The following WDFY2 variants were observed in gnomAD, a reference collection of about 807,000 sequenced individuals.
WDFY2 encodes WD repeat and FYVE domain-containing protein 2.
In WDFY2, 36 loss-of-function variants were observed where a neutral mutation model predicts 56.4. The observed-to-expected ratio is 0.64, with a 90% confidence interval of 0.49 to 0.84. WDFY2 has a LOEUF of 0.84. Among genes scored for constraint, WDFY2 ranks in the 40% least tolerant of loss-of-function variants. The pLI is 0.00. For missense variants in WDFY2, 444 were observed against 512.2 expected, an observed-to-expected ratio of 0.87 and a Z score of 1.29; for synonymous variants, 176 against 183.7, an observed-to-expected ratio of 0.96 and a Z score of 0.34.
chr13:51,658,641 A>G (rs929711385), intron 1 of WDFY2, among the ~76,000 whole-genome samples: 1 of 152,224 alleles, frequency 6.6e-6, no homozygotes, highest in Non-Finnish European at 1.5e-5. Context: ...AATAATCTCA[A>G]TAAAACAATT....
intron 7 of WDFY2, among the ~76,000 whole-genome samples, chr13:51,749,981 A>C (rs1953192049): frequency 6.6e-6 from 1 of 152,176 alleles, no homozygotes; most frequent in African/African-American, 2.4e-5. Context: ...ATCCTGAATA[A>C]ATTTAGGAGA....
intron 1 of WDFY2, among the ~76,000 whole-genome samples, chr13:51,648,183 C>T (rs1955296789): frequency 1.3e-5 from 2 of 152,082 alleles, no homozygotes; most frequent in African/African-American, 4.8e-5. Context: ...ATTCCCTGCC[C>T]GTCAGTATTT....
chr13:51,619,777 A>T (rs942878204), intron 1 of WDFY2, among the ~76,000 whole-genome samples: 16 of 152,354 alleles, frequency 1.1e-4, no homozygotes, highest in African/African-American at 3.6e-4. Flanking sequence ...ACATTTATGG[A>T]CAGAAAAAGG....
intron 1 of WDFY2, among the ~76,000 whole-genome samples, chr13:51,645,599 A>C (rs1955248760): frequency 6.6e-6 from 1 of 152,188 alleles, no homozygotes; most frequent in African/African-American, 2.4e-5. Flanking sequence ...TCCACTGTGA[A>C]TATAGTTCAG....
At chr13:51,655,107 A>C (rs559903494) in intron 1 of WDFY2, among the ~76,000 whole-genome samples, 18 of 152,104 alleles carry the variant, frequency 1.2e-4, no homozygotes, top group East Asian at 1.9e-4. Context: ...TCTTGAGTGG[A>C]TTATTTAGGA....
chr13:51,602,374 T>A (rs1423637107), intron 1 of WDFY2, among the ~76,000 whole-genome samples: 2 of 152,224 alleles, frequency 1.3e-5, no homozygotes, highest in Non-Finnish European at 2.9e-5. Context: ...TGTACAGGTT[T>A]GTAGCCTAAA....
chr13:51,691,164 G>A (rs1045782218), intron 3 of WDFY2, among the ~76,000 whole-genome samples: 9 of 152,020 alleles, frequency 5.9e-5, no homozygotes, highest in African/African-American at 1.2e-4. Context: ...CACTCTGATG[G>A]TAGTTTCTTT....
At chr13:51,743,354 C>T (rs755101599) in intron 7 of WDFY2, among the ~76,000 whole-genome samples, 2 of 152,080 alleles carry the variant, frequency 1.3e-5, no homozygotes, top group Non-Finnish European at 2.9e-5. Context: ...CAGCCTCAGG[C>T]GAGGCACTGC....
intron 1 of WDFY2, among the ~76,000 whole-genome samples, chr13:51,655,778 C>T (rs745577622): frequency 1.3e-5 from 2 of 151,920 alleles, no homozygotes; most frequent in African/African-American, 2.4e-5. Context: ...CCAGTGAAGC[C>T]GTCTGGTTTT....
At chr13:51,746,220 G>A (rs1416796422) in intron 7 of WDFY2, among the ~76,000 whole-genome samples, 3 of 152,084 alleles carry the variant, frequency 2.0e-5, no homozygotes, top group Non-Finnish European at 4.4e-5. Flanking sequence ...AAAGTGCTGA[G>A]ATTACAGGCG....
intron 1 of WDFY2, among the ~76,000 whole-genome samples, chr13:51,604,977 A>G (rs1207180435): frequency 6.6e-6 from 1 of 152,214 alleles, no homozygotes; most frequent in Non-Finnish European, 1.5e-5. Context: ...CTCTCAGACA[A>G]GGTACTTAAG....
At chr13:51,655,771 G>A (rs912653629) in intron 1 of WDFY2, among the ~76,000 whole-genome samples, 11 of 152,196 alleles carry the variant, frequency 7.2e-5, no homozygotes, top group Non-Finnish European at 1.3e-4. Context: ...GACTTTGCCA[G>A]TGAAGCCGTC....
At chr13:51,694,212 T>C (rs1251722910) in intron 3 of WDFY2, among the ~76,000 whole-genome samples, 1 of 152,226 alleles carries the variant, frequency 6.6e-6, no homozygotes, top group African/African-American at 2.4e-5. Context: ...ATGTGTGAAT[T>C]TGATCCTGTC....
intron 1 of WDFY2, among the ~76,000 whole-genome samples, chr13:51,628,903 C>T (rs1297951838): frequency 6.6e-6 from 1 of 152,196 alleles, no homozygotes; most frequent in Admixed American, 6.5e-5. Context: ...CTTCTGAAGA[C>T]ATATTTGTAT....
At chr13:51,612,027 G>C (rs1237762567) in intron 1 of WDFY2, among the ~76,000 whole-genome samples, 2 of 152,072 alleles carry the variant, frequency 1.3e-5, no homozygotes, top group African/African-American at 4.8e-5. Flanking sequence ...CTGCCCTACT[G>C]CTTGACTTCT....
chr13:51,682,256 C>A (rs1955991057), intron 3 of WDFY2, among the ~76,000 whole-genome samples: 1 of 152,196 alleles, frequency 6.6e-6, no homozygotes, highest in South Asian at 2.1e-4. Context: ...TGGCTGGGAA[C>A]TGATGAGAGT....
At chr13:51,675,762 A>G (rs1415038067) in intron 3 of WDFY2, among the ~76,000 whole-genome samples, 2 of 152,236 alleles carry the variant, frequency 1.3e-5, no homozygotes, top group African/African-American at 4.8e-5. Flanking sequence ...AAAAAAGCAC[A>G]GAATCTAGAT....
At chr13:51,695,882 G>A (rs1951863712) in intron 3 of WDFY2, among the ~76,000 whole-genome samples, 1 of 152,238 alleles carries the variant, frequency 6.6e-6, no homozygotes, top group South Asian at 2.1e-4. Flanking sequence ...CTGGACAATG[G>A]TGGGTGCCCC....
rs759082659 is a variant in WDFY2, at chr13:51,737,234, G to A, written c.599-1815G>A. Among the ~76,000 whole-genome samples the A allele has an allele frequency of 6.6e-5, 10 of 152,150 alleles. No individual in the cohort carries two copies. The East Asian group carries it at 7.7e-4, about 12-fold the overall frequency. On this transcript the variant is annotated intron_variant, in intron 6 of 11. Coordinates refer to ENST00000298125, the MANE Select transcript of WDFY2 (RefSeq NM_052950.4). ...TCAGCCAGGCACATGCTTCCCATGC[G>A]CTAGGTACTGTTTTGTGTGCTTATA...
Sources: gnomAD v4.1 joint callset for allele counts (sites outside exome capture counted in the v4.1 genomes callset) on GRCh38, gnomAD v4.1.1 for gene constraint, MANE v1.5 for transcripts, NCBI Gene and HGNC (gene_info 2026-07-23, HGNC 2026-07-21) for gene names.